The following ANTXR2 variants were observed in gnomAD, a reference collection of about 807,000 sequenced individuals.
ANTXR2 encodes the protein anthrax toxin receptor 2.
Under a neutral mutation model 73.7 loss-of-function variants are expected in ANTXR2, and 44 were observed. The observed-to-expected ratio is 0.60, with a 90% CI of 0.47 to 0.77. The LOEUF is 0.77. Among genes scored for constraint, ANTXR2 ranks in the 30% least tolerant of loss-of-function variants. ANTXR2 has a pLI of 0.00. For missense variants in ANTXR2, 604 were observed against 592.5 expected, an observed-to-expected ratio of 1.02 and a Z score of -0.20; for synonymous variants, 217 against 205.9, an observed-to-expected ratio of 1.05 and a Z score of -0.46.
At chr4:80,026,145 T>TC (rs1732426050) in intron 10 of ANTXR2, among the ~76,000 whole-genome samples, 1 of 152,100 alleles carries the variant, frequency 6.6e-6, no homozygotes. Flanking sequence ...TGAATTGTAA[T>TC]CCCCCCGTGT....
chr4:79,986,951 T>C (rs747921971), intron 12 of ANTXR2, among the ~76,000 whole-genome samples: 1 of 152,150 alleles, frequency 6.6e-6, no homozygotes. Flanking sequence ...TATACTGCCT[T>C]CAAACCCTCA....
At chr4:80,045,613 T>C (rs1452424470) in intron 7 of ANTXR2, among the ~76,000 whole-genome samples, 1 of 151,432 alleles carries the variant, frequency 6.6e-6, no homozygotes, top group Non-Finnish European at 1.5e-5. Context: ...TTGAGCAGCT[T>C]TAAACACTAA....
At chr4:80,050,277 C>T (rs1025933138) in intron 7 of ANTXR2, among the ~76,000 whole-genome samples, 10 of 151,642 alleles carry the variant, frequency 6.6e-5, no homozygotes, top group East Asian at 1.9e-4. Context: ...TTAATACCAG[C>T]GCACATCCAA....
intron 8 of ANTXR2, among the ~76,000 whole-genome samples, chr4:80,034,702 T>TA (rs1732874285): frequency 6.6e-6 from 1 of 152,196 alleles, no homozygotes; most frequent in African/African-American, 2.4e-5. Flanking sequence ...TAAGGCTACT[T>TA]ACGAGGCCTA....
Position 80,072,777 on chromosome 4 carries a change from C to T in ANTXR2, c.-217G>A. ...GGAGTCTCCGCCACCGCCGCAGCTG[C>T]CGCCGGAACTCTTGACGAATCCCAG... is the stretch of plus-strand genomic sequence containing the variant. On this transcript the variant is annotated 5_prime_UTR_variant, in exon 1 of 17. Coordinates refer to ENST00000403729, the MANE Select transcript of ANTXR2 (RefSeq NM_058172.6). The T allele has an allele frequency of 8.2e-7, 1 of 1,221,138 alleles. No homozygotes were observed. The highest frequency in any genetic ancestry group is 1.0e-6 in the Non-Finnish European group (1 of 962,384). 75.6% of individuals were successfully genotyped at this position (1,221,138 alleles called of 1,614,324 possible).
At chr4:80,059,046 T>C (rs995851156) in intron 3 of ANTXR2, among the ~76,000 whole-genome samples, 3 of 152,080 alleles carry the variant, frequency 2.0e-5, no homozygotes, top group South Asian at 2.1e-4. Flanking sequence ...CCACAGTAAA[T>C]TTCTTACTCA....
intron 3 of ANTXR2, 54 bp downstream of exon 3, chr4:80,069,382 G>T: frequency 2.2e-6 from 3 of 1,363,766 alleles, no homozygotes; most frequent in Non-Finnish European, 3.1e-6. Flanking sequence ...TATCAATCAT[G>T]CCTTTAAAAT....
At chr4:80,072,369 G>T in intron 1 of ANTXR2, 40 bp downstream of exon 1, 1 of 1,538,434 alleles carries the variant, frequency 6.5e-7, no homozygotes, top group Non-Finnish European at 8.8e-7. Flanking sequence ...ATCCAGTGCC[G>T]CCCTCACCAG....
chr4:80,072,545 ACCGCTCCGCCACCATCCTGCGGCCGGGGG>A lies in ANTXR2; in HGVS notation c.-14_15del, dbSNP rs1734857684. 6.3e-7 allele frequency: 1 copy of A among 1,578,502 alleles called. No individual in the cohort carries two copies. The highest frequency in any genetic ancestry group is 1.1e-5 in the South Asian group (1 of 86,984). ...CAGCTCCCGGGGCTGCGGGCCGGGGACCGCTCCGCCACCATCCTGCGGCCGGGGGCCTGAGACTCCCTCCCGCTCGCAGT... is the reference window on the plus strand; with the variant it reads ...CAGCTCCCGGGGCTGCGGGCCGGGGACCTGAGACTCCCTCCCGCTCGCAGT... On this transcript the variant is annotated start_lost and 5_prime_UTR_variant, in exon 1 of 17. Coordinates refer to ENST00000403729, the MANE Select transcript of ANTXR2 (RefSeq NM_058172.6).
intron 16 of ANTXR2, among the ~76,000 whole-genome samples, chr4:79,919,867 ATATATATATAT>A (rs1727508543): frequency 8.5e-6 from 1 of 117,054 alleles, no homozygotes; most frequent in African/African-American, 3.1e-5. Flanking sequence ...TACATATTTT[ATATATATATAT>A]ATATATATAT....
At chr4:80,012,833 A>G (rs1731658716) in intron 11 of ANTXR2, among the ~76,000 whole-genome samples, 1 of 152,110 alleles carries the variant, frequency 6.6e-6, no homozygotes, top group Non-Finnish European at 1.5e-5. Context: ...TCCACATAAG[A>G]AGAAGTACCT....
chr4:80,004,483 T>G (rs1045728791), intron 12 of ANTXR2, among the ~76,000 whole-genome samples: 3 of 126,334 alleles, frequency 2.4e-5, no homozygotes, highest in Admixed American at 8.5e-5. Flanking sequence ...GCCAAGCTGG[T>G]TCTTCCTGTA....
chr4:79,914,795 G>A (rs927322519), intron 16 of ANTXR2, among the ~76,000 whole-genome samples: 6 of 152,128 alleles, frequency 3.9e-5, no homozygotes, highest in Non-Finnish European at 5.9e-5. Context: ...TCTGAAGACT[G>A]AAAACTTCAT....
chr4:80,022,801 T>C (rs1041380072), intron 10 of ANTXR2, among the ~76,000 whole-genome samples: 1 of 152,180 alleles, frequency 6.6e-6, no homozygotes, highest in African/African-American at 2.4e-5. Context: ...TCTAATAATA[T>C]TGAAAAAGGG....
At chr4:80,011,091 G>C (rs1049615443) in intron 11 of ANTXR2, among the ~76,000 whole-genome samples, 1 of 151,838 alleles carries the variant, frequency 6.6e-6, no homozygotes, top group African/African-American at 2.4e-5. Flanking sequence ...AGGTTGCAGT[G>C]AGCCAAGATC....
chr4:79,962,854 T>G (rs1025644199), intron 16 of ANTXR2, among the ~76,000 whole-genome samples: 99 of 152,210 alleles, frequency 6.5e-4, no homozygotes, highest in African/African-American at 2.3e-3. Context: ...GGTAATAATA[T>G]TGAGTAGCCC....
chr4:79,945,725 G>A (rs1218077462), intron 16 of ANTXR2, among the ~76,000 whole-genome samples: 1 of 152,100 alleles, frequency 6.6e-6, no homozygotes, highest in South Asian at 2.1e-4. Context: ...GAGAATGGAT[G>A]AAGGAGCCCC....
chr4:79,978,689 G>A (rs1729752771), intron 14 of ANTXR2, among the ~76,000 whole-genome samples: 1 of 152,204 alleles, frequency 6.6e-6, no homozygotes, highest in African/African-American at 2.4e-5. Context: ...TGAGGCACAG[G>A]GAGGTTAAGT....
intron 10 of ANTXR2, among the ~76,000 whole-genome samples, chr4:80,028,337 G>A (rs1189391378): frequency 6.6e-6 from 1 of 152,042 alleles, no homozygotes; most frequent in African/African-American, 2.4e-5. Flanking sequence ...CTATGTCCTA[G>A]CTACTCGGCT....
Sources: gnomAD v4.1 joint callset for allele counts (sites outside exome capture counted in the v4.1 genomes callset) on GRCh38, gnomAD v4.1.1 for gene constraint, MANE v1.5 for transcripts, NCBI Gene and HGNC (gene_info 2026-07-23, HGNC 2026-07-21) for gene names.